ARL6IP4: variants seen among roughly 807,000 people sequenced by gnomAD.
ARL6IP4 encodes the protein ARF like GTPase 6 interacting protein 4.
Under a neutral mutation model 28.1 loss-of-function variants are expected in ARL6IP4, and 24 were observed. The observed-to-expected ratio is 0.86, with a 90% CI of 0.62 to 1.20. The LOEUF is 1.20. ARL6IP4 is among the 50% of genes most tolerant of loss of function. The pLI is 0.00. For synonymous variants in ARL6IP4, 162 were observed against 122.3 expected (o/e 1.32, Z -2.14); for missense variants, 343 against 302.4 (o/e 1.13, Z -1.00).
intron 1 of ARL6IP4, 25 bp downstream of exon 1, chr12:122,980,770 C>G (rs1002217306): frequency 7.7e-7 from 1 of 1,305,812 alleles, no homozygotes; most frequent in South Asian, 2.3e-5. Flanking sequence ...GCCCCGGGGG[C>G]CCCCTTGAGG....
upstream of ARL6IP4, chr12:122,980,312 C>T: frequency 3.1e-6 from 4 of 1,290,892 alleles, no homozygotes; most frequent in Non-Finnish European, 3.9e-6. Flanking sequence ...CCTACGGACA[C>T]GAGTTTGCGA....
chr12:122,980,474 G>A (rs1347213763), upstream of ARL6IP4: 3 of 1,366,024 alleles, frequency 2.2e-6, no homozygotes, highest in African/African-American at 4.5e-5. Context: ...GGGTGCTGCG[G>A]GCGTGCGCCG....
At chr12:122,980,594 G>C (rs755684992), upstream of ARL6IP4, 4 of 1,397,240 alleles carry the variant, frequency 2.9e-6, no homozygotes, top group South Asian at 6.1e-5. Context: ...GGCGCGCCCG[G>C]GACGGAACCT....
rs2037639570 is a variant in ARL6IP4, at chr12:122,981,303, A to T, written c.160+4A>T. The T allele has an allele frequency of 6.5e-7, 1 of 1,542,972 alleles. No homozygotes were observed. Among genetic ancestry groups the T allele is most frequent in the South Asian group, 1.2e-5 (1 of 83,610 alleles). ...AGCACGGCCCCTGGGGCGGAGGGTG[A>T]GGACCACAGGCATCGGGGAGAGGAG... is the stretch of plus-strand genomic sequence containing the variant. On this transcript the variant is annotated splice_donor_region_variant and intron_variant, in intron 2 of 5. Transcript: ENST00000315580.
intron 4 of ARL6IP4, 187 bp from the exon 5 acceptor site, chr12:122,982,282 A>G (rs541987352): frequency 5.2e-4 from 412 of 799,624 alleles, no homozygotes; most frequent in Non-Finnish European, 7.7e-4. Flanking sequence ...GGCCGGGCTG[A>G]GGCTGGCAAG....
Position 122,982,727 on chromosome 12 carries a change from C to T in ARL6IP4, c.*51C>T. ...GACGACGCTGGCGGCCCAGCCTGGG[C>T]AGGTTTCAGGGTGCCAGTGGGAAGC... is the stretch of plus-strand genomic sequence containing the variant. On this transcript the variant is annotated 3_prime_UTR_variant, in exon 6 of 6. Transcript: ENST00000315580. The T allele has an allele frequency of 1.3e-6, 2 of 1,581,078 alleles. No individual in the cohort carries two copies. The highest frequency in any genetic ancestry group is 1.7e-6 in the Non-Finnish European group (2 of 1,155,408).
chr12:122,981,269 C>T lies in ARL6IP4; in HGVS notation c.130C>T (p.Arg44Cys), dbSNP rs775848079. Residue 44 changes from arginine to cysteine, a missense_variant, in exon 2 of 6, where the codon CGC becomes TGC. Transcript: ENST00000315580. ...CTGCTCGGCCTCCACATCCCAAGGTCGCAAGGCCAGCACGGCCCCTGGGGC... is the reference window on the plus strand; with the variant it reads ...CTGCTCGGCCTCCACATCCCAAGGTTGCAAGGCCAGCACGGCCCCTGGGGC... ...RNCSASTSQG[R>C]KASTAPGAEA... is the part of the protein sequence containing the mutation. The T allele has an allele frequency of 1.3e-6, 2 of 1,549,576 alleles. No homozygotes were observed. Among genetic ancestry groups the T allele is most frequent in the South Asian group, 1.2e-5 (1 of 83,964 alleles).
At chr12:122,982,185 CAAAT>C in intron 4 of ARL6IP4, 111 bp downstream of exon 4, 1 of 1,196,650 alleles carries the variant, frequency 8.4e-7, no homozygotes, top group Non-Finnish European at 1.2e-6. Flanking sequence ...TGAAAAAGGC[CAAAT>C]GTGGGCAAAA....
Position 122,981,824 on chromosome 12 carries a change from G to A in ARL6IP4, c.414G>A (p.Pro138=), listed in dbSNP as rs766112918. The A allele has an allele frequency of 5.0e-6, 8 of 1,608,382 alleles. No homozygotes were observed. The highest frequency in any genetic ancestry group is 5.9e-6 in the Non-Finnish European group (7 of 1,177,474). Residue 138 remains proline (P), a synonymous_variant, in exon 3 of 6, where the codon CCG becomes CCA. Coordinates refer to ENST00000315580, the MANE Select transcript of ARL6IP4 (RefSeq NM_018694.4). ...AAGCACAGCAGGTGGAGGCTCTGCC[G>A]GGCCCCTCGCTGGACCAGTGGCACC... ...KAEAQQVEAL[P]GPSLDQWHRS...
At position 122,981,661 on chromosome 12, in the gene ARL6IP4, C is replaced by T. The variant is rs907004516; in HGVS notation, c.251C>T (p.Ser84Phe). The change falls in exon 3 of 6, where the codon TCT becomes TTT. Residue 84 changes from serine to phenylalanine, a missense_variant. Ser to Phe is a radical substitution (Grantham distance 155, BLOSUM62 -2). Coordinates refer to ENST00000315580, the MANE Select transcript of ARL6IP4 (RefSeq NM_018694.4). ...SSSSSSSSSS[S>F]SSSSSSSSSS... is the part of the protein sequence containing the mutation. ...TCCTCCTCCTCTTCTTCCAGTTCTT[C>T]TAGCTCCTCTTCTTCCTCCTCGTCC... The T allele has an allele frequency of 6.4e-6, 10 of 1,555,986 alleles. No individual in the cohort carries two copies. The highest frequency in any genetic ancestry group is 1.4e-5 in the African/African-American group (1 of 73,450).
At chr12:122,980,618 G>C (rs1239629818), upstream of ARL6IP4, 4 of 1,412,006 alleles carry the variant, frequency 2.8e-6, no homozygotes, top group Non-Finnish European at 3.7e-6. Flanking sequence ...GCGTCAGAAC[G>C]AAAGGCAGCG....
chr12:122,982,013 G>T lies in ARL6IP4; in HGVS notation c.526G>T (p.Glu176Ter). Residue 176 changes from glutamate (E) to a stop codon, truncating the protein, a stop_gained, in exon 4 of 6, where the codon GAG (glutamate) becomes TAG (stop). Coordinates refer to ENST00000315580, the MANE Select transcript of ARL6IP4 (RefSeq NM_018694.4). LOFTEE classifies it high-confidence loss of function. ...GGCCATGAAGCCCATGACCAAGGAG[G>T]AGTGGGATGCCCGGCAGAGCATCAT... The part of the protein sequence containing the change: ...IQAMKPMTKE[E>*]WDARQSIIRK... 6.2e-7 allele frequency: 1 copy of T among 1,613,714 alleles called. No individual in the cohort carries two copies. Among genetic ancestry groups the T allele is most frequent in the Middle Eastern group, 1.6e-4 (1 of 6,062 alleles).
chr12:122,981,647 T>C lies in ARL6IP4; in HGVS notation c.237T>C (p.Ser79=), dbSNP rs763691508. 2.2e-5 allele frequency: 35 copies of C among 1,556,702 alleles called. No individual in the cohort carries two copies. Among genetic ancestry groups the C allele is most frequent in the Non-Finnish European group, 2.5e-5 (29 of 1,150,950 alleles). Residue 79 remains serine, a synonymous_variant, in exon 3 of 6, where the codon TCT becomes TCC. Transcript: ENST00000315580. Reference sequence around the variant, plus strand: ...GAACAAGATCCAGCTCCTCCTCCTCTTCTTCCAGTTCTTCTAGCTCCTCTT... The same window carrying C: ...GAACAAGATCCAGCTCCTCCTCCTCCTCTTCCAGTTCTTCTAGCTCCTCTT... ...RRRTRSSSSS[S]SSSSSSSSSS... is the part of the protein sequence containing the mutation.
In ARL6IP4 at chr12:122,981,117, C is replaced by T. The variant is rs2037625972; in HGVS notation, c.-11-12C>T. ...GGGGGCTTCGGCTCAAGCGCGTCTT[C>T]TTCGTCGCCAGCCCGCGGCGCCATG... is the stretch of plus-strand genomic sequence containing the variant. On this transcript the variant is annotated splice_polypyrimidine_tract_variant and intron_variant, in intron 1 of 5. Coordinates refer to ENST00000315580, the MANE Select transcript of ARL6IP4 (RefSeq NM_018694.4). 5.2e-6 allele frequency: 8 copies of T among 1,546,836 alleles called. No individual in the cohort carries two copies. In the African/African-American group the frequency reaches 6.9e-5, roughly 13 times the overall value.
upstream of ARL6IP4, chr12:122,980,393 G>C (rs779622157): frequency 3.0e-6 from 4 of 1,350,104 alleles, no homozygotes; most frequent in African/African-American, 4.5e-5. Flanking sequence ...GTCGTATGGA[G>C]AGGGCAGGAC....
chr12:122,982,724 G>C lies in ARL6IP4; in HGVS notation c.*48G>C, dbSNP rs1264915814. The C allele has an allele frequency of 6.3e-7, 1 of 1,591,600 alleles. No homozygotes were observed. The highest frequency in any genetic ancestry group is 1.7e-5 in the Admixed American group (1 of 59,882). On this transcript the variant is annotated 3_prime_UTR_variant, in exon 6 of 6. Coordinates refer to ENST00000315580, the MANE Select transcript of ARL6IP4 (RefSeq NM_018694.4). Reference sequence around the variant, plus strand: ...GTGGACGACGCTGGCGGCCCAGCCTGGGCAGGTTTCAGGGTGCCAGTGGGA... The same window carrying C: ...GTGGACGACGCTGGCGGCCCAGCCTCGGCAGGTTTCAGGGTGCCAGTGGGA...
rs998455202 is a variant in ARL6IP4 at position 122,982,897 on chromosome 12, C to T, written c.*221C>T. On this transcript the variant is annotated 3_prime_UTR_variant, in exon 6 of 6. Coordinates refer to ENST00000315580, the MANE Select transcript of ARL6IP4 (RefSeq NM_018694.4). ...GCAGCACTTCTCAGCTATTAAAGGC[C>T]CCCTGGATAGACTTTCTCTGTTCTG... 7.5e-5 allele frequency: 45 copies of T among 601,196 alleles called. No homozygotes were observed. Among genetic ancestry groups the T allele is most frequent in the Admixed American group, 2.1e-4 (7 of 34,106 alleles). The allele number at this position is 601,196 out of a possible 1,614,324, so 37.2% of individuals were successfully genotyped here.
At chr12:122,980,500 A>T, upstream of ARL6IP4, 1 of 1,366,350 alleles carries the variant, frequency 7.3e-7, no homozygotes, top group Non-Finnish European at 9.4e-7. Flanking sequence ...GCAGCCTTGG[A>T]AGTGGGCGCA....
Position 122,980,685 on chromosome 12 carries a change from T to A in ARL6IP4, c.-72T>A. 7.4e-7 allele frequency: 1 copy of A among 1,342,864 alleles called. No homozygotes were observed. Among genetic ancestry groups the A allele is most frequent in the Non-Finnish European group, 9.5e-7 (1 of 1,052,950 alleles). 83.2% of individuals were successfully genotyped at this position (1,342,864 alleles called of 1,614,324 possible). On this transcript the variant is annotated 5_prime_UTR_variant, in exon 1 of 6. Coordinates refer to ENST00000315580, the MANE Select transcript of ARL6IP4 (RefSeq NM_018694.4). ...CGCAGCGCCCCGGCCGGAAGCCTCC[T>A]CGCCGCCGCTTCCTCTCGAGAAGGC...
Sources: gnomAD v4.1 joint callset for allele counts on GRCh38, gnomAD v4.1.1 for gene constraint, MANE v1.5 for transcripts, NCBI Gene and HGNC (gene_info 2026-07-23, HGNC 2026-07-21) for gene names.